Variants in RBM19 observed in about 807,000 individuals in gnomAD.
The protein encoded by RBM19 is probable RNA-binding protein 19.
RBM19 carries 94 observed loss-of-function variants against 116.8 expected under a neutral mutation model. That is an observed-to-expected ratio of 0.80 (90% CI 0.68 to 0.95). The LOEUF (loss-of-function observed/expected upper bound fraction) is 0.95, where lower values mean the gene tolerates loss of function less well. RBM19 is among the 40% of genes least tolerant of loss of function. RBM19 has a pLI of 0.00. For synonymous variants in RBM19, 475 were observed against 494.1 expected (o/e 0.96, Z 0.51); for missense variants, 1,161 against 1,220.7 (o/e 0.95, Z 0.73).
chr12:113,959,267 G>A lies in RBM19; in HGVS notation c.516C>T (p.Phe172=), dbSNP rs146885525. ...CACTCTCCTGCCCAGAATCGGAGTC[G>A]AAGTTCAGGTAGTCACTGGCCGGCT... is the stretch of plus-strand genomic sequence containing the variant. ...KSKPASDYLN[F]DSDSGQESEE... The change falls in exon 5 of 24, where the codon TTC becomes TTT. Residue 172 remains phenylalanine (F), a synonymous_variant. Transcript: ENST00000261741. The A allele has an allele frequency of 9.3e-6, 15 of 1,613,576 alleles. No individual in the cohort carries two copies. The highest frequency in any genetic ancestry group is 2.7e-5 in the African/African-American group (2 of 74,924).
At chr12:113,893,026 ATT>A (rs35688045) in intron 21 of RBM19, among the ~76,000 whole-genome samples, 6 of 141,138 alleles carry the variant, frequency 4.3e-5, no homozygotes, top group Non-Finnish European at 4.6e-5. Context: ...GTAACTATTG[ATT>A]TTTTTTTTTT....
intron 22 of RBM19, among the ~76,000 whole-genome samples, chr12:113,851,026 T>C (rs1211174238): frequency 1.3e-5 from 2 of 152,178 alleles, no homozygotes. Flanking sequence ...ATCCTTTCCT[T>C]CGGTCCCAAG....
chr12:113,960,752 G>C (rs565201692), intron 2 of RBM19, among the ~76,000 whole-genome samples: 2 of 152,180 alleles, frequency 1.3e-5, no homozygotes, highest in South Asian at 4.1e-4. Flanking sequence ...ACTGCCCTGG[G>C]TTAATTATCA....
intron 22 of RBM19, among the ~76,000 whole-genome samples, chr12:113,846,746 G>A (rs560019509): frequency 4.6e-5 from 7 of 152,226 alleles, no homozygotes; most frequent in Admixed American, 1.3e-4. Context: ...GCAAGGTCTC[G>A]CTGTCACCCA....
chr12:113,879,431 T>TTATATATATATATATATATATATA lies in RBM19; in HGVS notation c.2559-20536_2559-20535insTATATATATATATATATATATATA, dbSNP rs5801011. 1.4e-3 allele frequency among the ~76,000 whole-genome samples: 192 copies of TTATATATATATATATATATATATA among 132,540 alleles called. 1 individual carries two copies. Among genetic ancestry groups the TTATATATATATATATATATATATA allele is most frequent in the East Asian group, 7.4e-3 (20 of 2,700 alleles). The allele number at this position is 132,540 out of a possible 152,430, so 87.0% of individuals were successfully genotyped here. A position where few individuals can be genotyped will look rare whatever the true frequency, so the allele number is the denominator to read the frequency against. On this transcript the variant is annotated intron_variant, in intron 21 of 23. Coordinates refer to ENST00000261741, the MANE Select transcript of RBM19 (RefSeq NM_016196.4). ...CTGTAAAAATGATCATACATACATT[T>TTATATATATATATATATATATATA]TATATATATATATATATATGGACTT... is the stretch of plus-strand genomic sequence containing the variant.
chr12:113,824,961 C>T (rs1874731266), intron 23 of RBM19, among the ~76,000 whole-genome samples: 1 of 152,128 alleles, frequency 6.6e-6, no homozygotes, highest in African/African-American at 2.4e-5. Flanking sequence ...GGCCCACCTC[C>T]CCCTGCTCAA....
At chr12:113,960,258 G>A (rs545510059) in intron 2 of RBM19, 80 bp from the exon 3 acceptor site, 23 of 1,587,100 alleles carry the variant, frequency 1.4e-5, no homozygotes, top group African/African-American at 4.0e-5. Context: ...CTGGGAGCTC[G>A]GGCATTTCAG....
At chr12:113,907,517 T>C (rs1462523351) in intron 21 of RBM19, among the ~76,000 whole-genome samples, 2 of 152,198 alleles carry the variant, frequency 1.3e-5, no homozygotes, top group East Asian at 3.9e-4. Context: ...CACAGCAAAG[T>C]AGGAAGAGTG....
chr12:113,899,128 AAT>A (rs1339029460), intron 21 of RBM19, among the ~76,000 whole-genome samples: 1 of 152,212 alleles, frequency 6.6e-6, no homozygotes, highest in Non-Finnish European at 1.5e-5. Flanking sequence ...GATTGCATGC[AAT>A]GTTACTTTAG....
At chr12:113,958,633 A>G (rs1379652213) in intron 5 of RBM19, among the ~76,000 whole-genome samples, 1 of 152,154 alleles carries the variant, frequency 6.6e-6, no homozygotes, top group Non-Finnish European at 1.5e-5. Context: ...GTTACCAGGC[A>G]TAACTGCACT....
At chr12:113,913,672 C>T (rs1301438573) in intron 21 of RBM19, among the ~76,000 whole-genome samples, 2 of 152,162 alleles carry the variant, frequency 1.3e-5, no homozygotes, top group African/African-American at 2.4e-5. Context: ...TTCTCATCTC[C>T]AAAACACAAG....
chr12:113,864,345 G>A (rs945490489), intron 21 of RBM19, among the ~76,000 whole-genome samples: 1 of 152,182 alleles, frequency 6.6e-6, no homozygotes, highest in Non-Finnish European at 1.5e-5. Flanking sequence ...AGCAGCCAGT[G>A]AGCTCCCTCC....
chr12:113,905,458 G>A (rs1416204712), intron 21 of RBM19, among the ~76,000 whole-genome samples: 2 of 152,154 alleles, frequency 1.3e-5, no homozygotes, highest in East Asian at 3.9e-4. Context: ...AATGCCAGAT[G>A]GATTGCATAC....
At chr12:113,833,917 A>G (rs1210957728) in intron 23 of RBM19, among the ~76,000 whole-genome samples, 1 of 151,564 alleles carries the variant, frequency 6.6e-6, no homozygotes, top group East Asian at 1.9e-4. Flanking sequence ...CTAATTTTTA[A>G]AGTTTTTTTT....
rs1005568907 is a variant in RBM19, at chr12:113,857,997, C to A, written c.2664+794G>T. Among the ~76,000 whole-genome samples the A allele has an allele frequency of 3.9e-5, 6 of 152,376 alleles. No homozygotes were observed. In the South Asian group the frequency reaches 6.2e-4, roughly 16 times the overall value. The stretch of plus-strand genomic sequence containing the variant: ...TAGTGAGGCTGAGAGAGGGGACAGG[C>A]CACCTGTGGGCAGAGCTCACGGAAG... On this transcript the variant is annotated intron_variant, in intron 22 of 23. Coordinates refer to ENST00000261741, the MANE Select transcript of RBM19 (RefSeq NM_016196.4).
At chr12:113,935,508 G>A (rs1381219062) in intron 16 of RBM19, among the ~76,000 whole-genome samples, 1 of 152,148 alleles carries the variant, frequency 6.6e-6, no homozygotes, top group Non-Finnish European at 1.5e-5. Context: ...CAGGAGTCGG[G>A]CTTTCACAAG....
chr12:113,911,344 A>G (rs977334158), intron 21 of RBM19, among the ~76,000 whole-genome samples: 3 of 152,218 alleles, frequency 2.0e-5, no homozygotes, highest in Admixed American at 2.0e-4. Flanking sequence ...GGGCAGAAAT[A>G]GAGGATTACA....
At chr12:113,934,151 C>T (rs1292325977) in intron 16 of RBM19, among the ~76,000 whole-genome samples, 3 of 152,132 alleles carry the variant, frequency 2.0e-5, no homozygotes, top group Admixed American at 6.5e-5. Flanking sequence ...TAGGGTTTTG[C>T]CATGCTGTCC....
rs555087851 is a variant in RBM19 at position 113,843,101 on chromosome 12, C to T, written c.2785+1567G>A. On this transcript the variant is annotated intron_variant, in intron 23 of 23. Coordinates refer to ENST00000261741, the MANE Select transcript of RBM19 (RefSeq NM_016196.4). ...CTGCTTCTCAGAAGCCCAGTCGTTT[C>T]GCCCTAAGCAAGACCAGTGGCCCCA... 2.4e-4 allele frequency among the ~76,000 whole-genome samples: 36 copies of T among 152,332 alleles called. 1 individual carries two copies. The highest frequency in any genetic ancestry group is 2.3e-3 in the South Asian group (11 of 4,830).
Sources: allele counts gnomAD v4.1 joint callset (sites outside exome capture counted in the v4.1 genomes callset), GRCh38; gene constraint gnomAD v4.1.1; transcripts MANE v1.5; gene names NCBI Gene and HGNC (gene_info 2026-07-23, HGNC 2026-07-21).